TMEM209: variants seen among roughly 807,000 people sequenced by gnomAD.
The protein encoded by TMEM209 is transmembrane protein 209, also known as testicular tissue protein Li 202.
A neutral mutation model predicts 76.2 loss-of-function variants in TMEM209; 65 were observed. That is an observed-to-expected ratio of 0.85 (90% confidence interval 0.70 to 1.05). The LOEUF (loss-of-function observed/expected upper bound fraction) is 1.05. Among genes scored for constraint, TMEM209 ranks in the 50% least tolerant of loss-of-function variants. The probability of loss-of-function intolerance (pLI) is 0.00; values close to 1 mark genes in which losing one functional copy is unlikely to be tolerated. For missense variants in TMEM209, 623 were observed against 685.5 expected, an observed-to-expected ratio of 0.91 and a Z score of 1.02; for synonymous variants, 239 against 237.6, an observed-to-expected ratio of 1.01 and a Z score of -0.06.
chr7:130,173,456 A>G (rs1395656666), intron 13 of TMEM209, among the ~76,000 whole-genome samples, 176 bp downstream of exon 13: 1 of 152,212 alleles, frequency 6.6e-6, no homozygotes, highest in Non-Finnish European at 1.5e-5. Flanking sequence ...TTTTCTTTAT[A>G]CTTTCCCCAA....
intron 14 of TMEM209, among the ~76,000 whole-genome samples, chr7:130,169,464 C>A (rs1014172456): frequency 5.3e-5 from 8 of 152,220 alleles, no homozygotes; most frequent in African/African-American, 1.9e-4. Flanking sequence ...CAATATGTAA[C>A]AAATATATAC....
At chr7:130,204,950 T>C (rs1798384282) in intron 1 of TMEM209, 1 of 1,077,072 alleles carries the variant, frequency 9.3e-7, no homozygotes, top group Non-Finnish European at 1.1e-6. Flanking sequence ...GGATCCAAGT[T>C]TTAGAAGGGC....
In TMEM209 at chr7:130,192,701, TTTGTCAGTAGGTGAG is replaced by T; in HGVS notation, c.681_695del (p.Asn227_Asp231del). ...TTCGTAGGTCGGTCATGTAGTCTTC[TTTGTCAGTAGGTGAG>T]TTGTAGACGGTAGGTGAAGAACGGT... On this transcript the variant is annotated inframe_deletion, in exon 6 of 15. Coordinates refer to ENST00000397622, the MANE Select transcript of TMEM209 (RefSeq NM_032842.4). 6.2e-7 allele frequency: 1 copy of T among 1,613,844 alleles called. No individual in the cohort carries two copies. The highest frequency in any genetic ancestry group is 8.5e-7 in the Non-Finnish European group (1 of 1,179,766).
At chr7:130,204,935 G>C (rs554614425) in intron 1 of TMEM209, 20 of 1,069,466 alleles carry the variant, frequency 1.9e-5, no homozygotes, top group Non-Finnish European at 2.2e-5. Context: ...GTGGATAAAG[G>C]ACAAGGATCC....
intron 14 of TMEM209, among the ~76,000 whole-genome samples, chr7:130,168,944 A>G (rs541874828): frequency 6.6e-6 from 1 of 152,282 alleles, no homozygotes; most frequent in East Asian, 1.9e-4. Flanking sequence ...ATATATGATA[A>G]AAGAAGCTAA....
At chr7:130,183,400 C>A (rs867111933) in intron 8 of TMEM209, among the ~76,000 whole-genome samples, 1 of 152,166 alleles carries the variant, frequency 6.6e-6, no homozygotes, top group African/African-American at 2.4e-5. Context: ...CCATAAAATG[C>A]CATCCAGGTT....
At chr7:130,204,185 C>A in intron 1 of TMEM209, 75 bp from the exon 2 acceptor site, 2 of 1,481,334 alleles carry the variant, frequency 1.4e-6, no homozygotes, top group Non-Finnish European at 1.8e-6. Flanking sequence ...TTTTGCATCC[C>A]TTATAAAGGT....
chr7:130,184,107 T>C lies in TMEM209; in HGVS notation c.1023+77A>G, dbSNP rs1021371957. ...ACTAATATTCTAATTTATAATGAAC[T>C]CTAAATGATATTCTAATAACATGCT... On this transcript the variant is annotated intron_variant, in intron 8 of 14. Coordinates refer to ENST00000397622, the MANE Select transcript of TMEM209 (RefSeq NM_032842.4). 5.0e-6 allele frequency: 5 copies of C among 1,001,584 alleles called. No individual in the cohort carries two copies. In the African/African-American group the frequency reaches 8.1e-5, roughly 16 times the overall value. The allele number at this position is 1,001,584 out of a possible 1,614,324, so 62.0% of individuals were successfully genotyped here. A position where few individuals can be genotyped will look rare whatever the true frequency, so the allele number is the denominator to read the frequency against.
intron 5 of TMEM209, among the ~76,000 whole-genome samples, chr7:130,196,041 T>C (rs1158833024): frequency 6.6e-6 from 1 of 152,186 alleles, no homozygotes; most frequent in Non-Finnish European, 1.5e-5. Flanking sequence ...AACATGTTGT[T>C]TTACTGGATT....
intron 9 of TMEM209, among the ~76,000 whole-genome samples, chr7:130,179,892 G>A (rs1797353765): frequency 6.6e-6 from 1 of 152,160 alleles, no homozygotes; most frequent in Non-Finnish European, 1.5e-5. Flanking sequence ...CTTGAGCCCA[G>A]GAGGCTGAGG....
intron 6 of TMEM209, among the ~76,000 whole-genome samples, chr7:130,188,440 C>CA (rs1299467051): frequency 2.6e-5 from 4 of 151,232 alleles, no homozygotes; most frequent in South Asian, 2.1e-4. Context: ...ACTAAAAATA[C>CA]AAAAAATTAG....
chr7:130,189,685 C>T (rs1206268207), intron 6 of TMEM209, among the ~76,000 whole-genome samples: 1 of 152,022 alleles, frequency 6.6e-6, no homozygotes, highest in East Asian at 1.9e-4. Flanking sequence ...GTGGGGAGGA[C>T]AGAATAAACT....
chr7:130,192,625 G>A lies in TMEM209; in HGVS notation c.772C>T (p.Leu258=), dbSNP rs377705134. ...ATATACAGAAATATATATGTACCCA[G>A]CTTAACCCTATGCTGTTTCTCCTCT... ...SEEEKQHRVK[L]GSPDSTSPSS... is the part of the protein sequence containing the mutation. Residue 258 remains leucine, a synonymous_variant, in exon 6 of 15, where the codon CTG becomes TTG. Coordinates refer to ENST00000397622, the MANE Select transcript of TMEM209 (RefSeq NM_032842.4). The A allele has an allele frequency of 8.7e-6, 14 of 1,613,226 alleles. No homozygotes were observed. Among genetic ancestry groups the A allele is most frequent in the Non-Finnish European group, 1.2e-5 (14 of 1,179,564 alleles).
chr7:130,185,111 C>G lies in TMEM209; in HGVS notation c.951+81G>C. On this transcript the variant is annotated intron_variant, in intron 7 of 14. Coordinates refer to ENST00000397622, the MANE Select transcript of TMEM209 (RefSeq NM_032842.4). ...TTCTGTCCAACAGAATGGAAGATTA[C>G]AGAAAAAATGTTCCAGAAGTAGAAG... 22 of 1,440,800 alleles carry G rather than the reference C, an allele frequency of 1.5e-5. 1 individual carries two copies. In the South Asian group the frequency reaches 2.8e-4, roughly 19 times the overall value. The allele number at this position is 1,440,800 out of a possible 1,614,324, so 89.3% of individuals were successfully genotyped here. A position where few individuals can be genotyped will look rare whatever the true frequency, so the allele number is the denominator to read the frequency against.
chr7:130,197,468 AAG>A (rs1215584209), intron 5 of TMEM209, among the ~76,000 whole-genome samples: 1 of 152,186 alleles, frequency 6.6e-6, no homozygotes, highest in Non-Finnish European at 1.5e-5. Context: ...GGGGTGGAAA[AAG>A]AGAGTTAATT....
intron 8 of TMEM209, 153 bp from the exon 9 acceptor site, chr7:130,181,872 G>GT (rs1797432164): frequency 1.7e-6 from 1 of 572,322 alleles, no homozygotes; most frequent in Non-Finnish European, 3.0e-6. Flanking sequence ...GAGAATGAAA[G>GT]TAATAGCTAC....
At position 130,172,041 on chromosome 7, in the gene TMEM209, A is replaced by G. The variant is rs533615627; in HGVS notation, c.1558-1568T>C. Reference sequence around the variant, plus strand: ...GAGCAAGACTCTGTCTCAAAAAAAGAGTAAAAAATCTGTATGTGCTTGTAA... The same window carrying G: ...GAGCAAGACTCTGTCTCAAAAAAAGGGTAAAAAATCTGTATGTGCTTGTAA... On this transcript the variant is annotated intron_variant, in intron 13 of 14. Transcript: ENST00000397622. 3.3e-5 allele frequency among the ~76,000 whole-genome samples: 5 copies of G among 152,090 alleles called. No homozygotes were observed. In the East Asian group the frequency reaches 9.7e-4, roughly 30 times the overall value.
rs1454446212 is a variant in TMEM209 at position 130,165,487 on chromosome 7, A to G, written c.*964T>C. The G allele has an allele frequency of 6.6e-6, 1 of 152,214 alleles. No individual in the cohort carries two copies. The highest frequency in any genetic ancestry group is 1.9e-4 in the East Asian group (1 of 5,204). The allele number at this position is 152,214 out of a possible 1,614,324, so 9.4% of individuals were successfully genotyped here. A position where few individuals can be genotyped will look rare whatever the true frequency, so the allele number is the denominator to read the frequency against. On this transcript the variant is annotated 3_prime_UTR_variant, in exon 15 of 15. Transcript: ENST00000397622. ...AGCTGCTAAAACCAAAGTAGTAAAC[A>G]GTTTTCCTGATGTCCTCACACTCTT...
At position 130,169,595 on chromosome 7, in the gene TMEM209, G is replaced by A. The variant is rs575317407; in HGVS notation, c.1631+805C>T. On this transcript the variant is annotated intron_variant, in intron 14 of 14. Coordinates refer to ENST00000397622, the MANE Select transcript of TMEM209 (RefSeq NM_032842.4). ...CTTCAAGTGTTCAGTGCCACATGGGGCTGGTGGCTACTGTGCTGGATGGCA... is the reference window on the plus strand; with the variant it reads ...CTTCAAGTGTTCAGTGCCACATGGGACTGGTGGCTACTGTGCTGGATGGCA... Among the ~76,000 whole-genome samples the A allele has an allele frequency of 9.9e-5, 15 of 152,262 alleles. No homozygotes were observed. The East Asian group carries it at 2.7e-3, about 27-fold the overall frequency.
Sources: allele counts gnomAD v4.1 joint callset (sites outside exome capture counted in the v4.1 genomes callset), GRCh38; gene constraint gnomAD v4.1.1; transcripts MANE v1.5; gene names NCBI Gene and HGNC (gene_info 2026-07-23, HGNC 2026-07-21).